Variants in SLC37A3 observed in about 807,000 individuals in gnomAD.
SLC37A3 encodes the protein solute carrier family 37 member 3.
Under a neutral mutation model 67.1 loss-of-function variants are expected in SLC37A3, and 51 were observed. The ratio of observed to expected loss-of-function variants is 0.76; its 90% CI spans 0.61 to 0.96. The LOEUF (loss-of-function observed/expected upper bound fraction) is 0.96. Ranked by LOEUF, SLC37A3 falls within the 40% of genes least tolerant of loss-of-function variation. The probability of loss-of-function intolerance (pLI) is 0.00; values close to 1 mark genes in which losing one functional copy is unlikely to be tolerated. For missense variants in SLC37A3, 508 were observed against 603.0 expected, an observed-to-expected ratio of 0.84 and a Z score of 1.65; for synonymous variants, 214 against 231.4, an observed-to-expected ratio of 0.92 and a Z score of 0.68.
chr7:140,357,907 T>A (rs1452344400), intron 6 of SLC37A3, among the ~76,000 whole-genome samples: 1 of 111,136 alleles, frequency 9.0e-6, no homozygotes, highest in African/African-American at 3.7e-5. Flanking sequence ...CAAAACTCCA[T>A]CTCAAAAAAA....
intron 3 of SLC37A3, among the ~76,000 whole-genome samples, chr7:140,374,076 A>C (rs993886525): frequency 2.0e-5 from 3 of 152,216 alleles, no homozygotes; most frequent in African/African-American, 7.2e-5. Flanking sequence ...ATATAAACCC[A>C]TATAACCAAA....
At chr7:140,380,538 T>G (rs1798210749) in intron 2 of SLC37A3, 148 bp from the exon 3 acceptor site, 1 of 550,714 alleles carries the variant, frequency 1.8e-6, no homozygotes, top group Admixed American at 3.2e-5. Context: ...TCAGAGAGGC[T>G]CTCTCAATTT....
chr7:140,352,061 C>T lies in SLC37A3; in HGVS notation c.703+1G>A. 1.2e-6 allele frequency: 2 copies of T among 1,610,778 alleles called. No homozygotes were observed. The highest frequency in any genetic ancestry group is 1.7e-6 in the Non-Finnish European group (2 of 1,178,728). Reference sequence around the variant, plus strand: ...GAATAGAAGGGGCGGCTTCTCCTCACCAATTTCTTCTGGTGACACCAGGAG... The same window carrying T: ...GAATAGAAGGGGCGGCTTCTCCTCATCAATTTCTTCTGGTGACACCAGGAG... On this transcript the variant is annotated splice_donor_variant, in intron 8 of 14. Transcript: ENST00000326232. LOFTEE classifies it high-confidence loss of function.
At chr7:140,359,422 C>G (rs4341086) in intron 5 of SLC37A3, among the ~76,000 whole-genome samples, 82,120 of 151,664 alleles carry the variant, frequency 0.54, 22,333 homozygotes, top group South Asian at 0.59. Flanking sequence ...GTGGAGGGAA[C>G]AGCAACCTCC....
At chr7:140,390,014 A>T (rs1365955566) in intron 1 of SLC37A3, among the ~76,000 whole-genome samples, 1 of 152,134 alleles carries the variant, frequency 6.6e-6, no homozygotes, top group African/African-American at 2.4e-5. Context: ...ACTTGAGGCC[A>T]GGCCTTCAAG....
intron 1 of SLC37A3, among the ~76,000 whole-genome samples, chr7:140,387,376 G>C (rs1419788000): frequency 6.6e-6 from 1 of 151,636 alleles, no homozygotes; most frequent in South Asian, 2.1e-4. Flanking sequence ...CCCTTTGGGA[G>C]GCCAAGGCAG....
In SLC37A3 at chr7:140,334,120, A is replaced by G. The variant is rs1407713655; in HGVS notation, c.*1292T>C. 6.6e-6 allele frequency: 1 copy of G among 152,222 alleles called. No homozygotes were observed. The highest frequency in any genetic ancestry group is 1.5e-5 in the Non-Finnish European group (1 of 68,036). 9.4% of individuals were successfully genotyped at this position (152,222 alleles called of 1,614,324 possible). A position where few individuals can be genotyped will look rare whatever the true frequency, so the allele number is the denominator to read the frequency against. On this transcript the variant is annotated 3_prime_UTR_variant, in exon 15 of 15. Coordinates refer to ENST00000326232, the MANE Select transcript of SLC37A3 (RefSeq NM_207113.3). The stretch of plus-strand genomic sequence containing the variant: ...CCTAGTAATCCATTCATGTGATTCA[A>G]TGTCATGTACAGACAGTCCTCAGCT...
intron 12 of SLC37A3, 76 bp downstream of exon 12, chr7:140,345,140 G>A (rs1309006407): frequency 4.5e-6 from 6 of 1,336,060 alleles, no homozygotes; most frequent in Middle Eastern, 3.6e-4. Context: ...CTCAAATTGA[G>A]GGAGAAAACA....
intron 14 of SLC37A3, among the ~76,000 whole-genome samples, chr7:140,337,065 C>G (rs766215674): frequency 1.5e-5 from 2 of 133,618 alleles, no homozygotes; most frequent in Non-Finnish European, 3.1e-5. Flanking sequence ...CGCCACCACA[C>G]TTCAGCCTGG....
rs146589075 is a variant in SLC37A3, at chr7:140,364,154, G to A, written c.375+254C>T. ...TAGTCCCAGCTGCTCAGGAGGCTGA[G>A]GCAGCAGAATCGCTTGAACATGGGA... is the stretch of plus-strand genomic sequence containing the variant. On this transcript the variant is annotated intron_variant, in intron 5 of 14. Transcript: ENST00000326232. Among the ~76,000 whole-genome samples the A allele has an allele frequency of 9.2e-4, 140 of 152,050 alleles. 1 individual carries two copies. The highest frequency in any genetic ancestry group is 9.1e-4 in the Non-Finnish European group (62 of 68,020).
chr7:140,393,493 C>T (rs117061918), intron 1 of SLC37A3, among the ~76,000 whole-genome samples: 1,669 of 152,310 alleles, frequency 0.011, 23 homozygotes, highest in African/African-American at 0.031. Flanking sequence ...CCAACACCAA[C>T]TCCCCACACC....
intron 3 of SLC37A3, among the ~76,000 whole-genome samples, chr7:140,376,680 A>G (rs749301445): frequency 6.6e-6 from 1 of 152,226 alleles, no homozygotes; most frequent in African/African-American, 2.4e-5. Flanking sequence ...GATGGATGAC[A>G]GGCCAACTTA....
intron 5 of SLC37A3, among the ~76,000 whole-genome samples, chr7:140,362,901 C>CGGG (rs1190488654): frequency 1.2e-4 from 2 of 16,866 alleles, no homozygotes; most frequent in South Asian, 3.3e-3. Context: ...GGGAGGGAGG[C>CGGG]GGGGGGGGGG....
At chr7:140,381,918 G>T (rs1327085210) in intron 2 of SLC37A3, among the ~76,000 whole-genome samples, 1 of 151,332 alleles carries the variant, frequency 6.6e-6, no homozygotes, top group Non-Finnish European at 1.5e-5. Flanking sequence ...GGAGGCTGAG[G>T]CAGGAGAATA....
chr7:140,373,448 A>C (rs1797901143), intron 3 of SLC37A3, among the ~76,000 whole-genome samples: 1 of 152,206 alleles, frequency 6.6e-6, no homozygotes, highest in African/African-American at 2.4e-5. Flanking sequence ...AGAACAACAC[A>C]AATATGTCTT....
At chr7:140,336,623 T>C (rs1174505484) in intron 14 of SLC37A3, among the ~76,000 whole-genome samples, 1 of 152,188 alleles carries the variant, frequency 6.6e-6, no homozygotes, top group Admixed American at 6.6e-5. Flanking sequence ...TTGGTATACA[T>C]TGTAATTTAC....
intron 3 of SLC37A3, 164 bp downstream of exon 3, chr7:140,380,118 C>G: frequency 2.4e-6 from 1 of 423,916 alleles, no homozygotes; most frequent in Middle Eastern, 4.7e-4. Context: ...GGGACTGAGT[C>G]AGAGCAGGCT....
At chr7:140,349,539 G>A (rs1386163725) in intron 9 of SLC37A3, among the ~76,000 whole-genome samples, 1 of 106,520 alleles carries the variant, frequency 9.4e-6, no homozygotes, top group South Asian at 3.3e-4. Flanking sequence ...AAAGGAAAAA[G>A]GGGGGGGGGA....
At chr7:140,393,748 C>G (rs931618332) in intron 1 of SLC37A3, among the ~76,000 whole-genome samples, 1 of 152,292 alleles carries the variant, frequency 6.6e-6, no homozygotes, top group South Asian at 2.1e-4. Flanking sequence ...AGCATCTCTC[C>G]CAGTTATCTG....
Sources: gnomAD v4.1 joint callset for allele counts (sites outside exome capture counted in the v4.1 genomes callset) on GRCh38, gnomAD v4.1.1 for gene constraint, MANE v1.5 for transcripts, NCBI Gene and HGNC (gene_info 2026-07-23, HGNC 2026-07-21) for gene names.